The following OPCML variants were observed in gnomAD, a reference collection of about 807,000 sequenced individuals.
OPCML encodes the protein opioid-binding protein/cell adhesion molecule.
A neutral mutation model predicts 37.8 loss-of-function variants in OPCML; 13 were observed. The observed-to-expected ratio is 0.34, with a 90% CI of 0.22 to 0.55. OPCML has a LOEUF of 0.55. Ranked by LOEUF, OPCML falls within the 20% of genes least tolerant of loss-of-function variation. The probability of loss-of-function intolerance (pLI) is 0.91; values close to 1 mark genes in which losing one functional copy is unlikely to be tolerated. For synonymous variants in OPCML, 176 were observed against 168.8 expected, an observed-to-expected ratio of 1.04 and a Z score of -0.33; for missense variants, 341 against 435.6, an observed-to-expected ratio of 0.78 and a Z score of 1.93.
chr11:133,041,656 A>G (rs138038517), intron 1 of OPCML, among the ~76,000 whole-genome samples: 8 of 152,230 alleles, frequency 5.3e-5, no homozygotes, highest in South Asian at 2.1e-4. Context: ...AACATCCTAT[A>G]CCCTGTTGTT....
intron 3 of OPCML, among the ~76,000 whole-genome samples, chr11:132,648,819 G>GAGA (rs1941285259): frequency 6.6e-6 from 1 of 152,036 alleles, no homozygotes; most frequent in African/African-American, 2.4e-5. Context: ...CCCGTGATTT[G>GAGA]TTCTGACAAT....
chr11:132,727,247 A>C (rs1292847046), intron 2 of OPCML, among the ~76,000 whole-genome samples: 3 of 152,152 alleles, frequency 2.0e-5, no homozygotes, highest in Non-Finnish European at 4.4e-5. Context: ...AGGTAAGTGG[A>C]TTGCAAACCC....
chr11:132,489,678 A>ATTG (rs1420736680), intron 4 of OPCML, among the ~76,000 whole-genome samples: 1 of 151,932 alleles, frequency 6.6e-6, no homozygotes, highest in African/African-American at 2.4e-5. Flanking sequence ...TATTATTATT[A>ATTG]TTATTTTATT....
intron 1 of OPCML, among the ~76,000 whole-genome samples, chr11:133,304,289 T>C (rs1942856693): frequency 6.6e-6 from 1 of 152,208 alleles, no homozygotes; most frequent in Non-Finnish European, 1.5e-5. Flanking sequence ...GCAAGGTATC[T>C]GAATAATCAC....
intron 3 of OPCML, among the ~76,000 whole-genome samples, chr11:132,574,424 C>T (rs1361590105): frequency 6.6e-6 from 1 of 151,490 alleles, no homozygotes; most frequent in Admixed American, 6.6e-5. Context: ...GTATTACTTA[C>T]TATTGCTGCA....
chr11:132,982,067 G>A (rs1035300305), intron 1 of OPCML, among the ~76,000 whole-genome samples: 11 of 152,054 alleles, frequency 7.2e-5, no homozygotes, highest in African/African-American at 2.2e-4. Flanking sequence ...TCTACGGCTC[G>A]AATACGGGCC....
chr11:133,287,799 T>G (rs1264362627), intron 1 of OPCML, among the ~76,000 whole-genome samples: 1 of 152,070 alleles, frequency 6.6e-6, no homozygotes. Context: ...GCTGTCCAGG[T>G]ACCATGAAGG....
chr11:133,417,363 A>G (rs1239205847), intron 1 of OPCML, among the ~76,000 whole-genome samples: 2 of 152,234 alleles, frequency 1.3e-5, no homozygotes, highest in African/African-American at 4.8e-5. Flanking sequence ...AAAGGCAGGC[A>G]TCATTATCTG....
intron 1 of OPCML, among the ~76,000 whole-genome samples, chr11:133,309,793 G>A (rs1292577259): frequency 6.6e-6 from 1 of 152,170 alleles, no homozygotes; most frequent in African/African-American, 2.4e-5. Flanking sequence ...GAGGACAGGG[G>A]AGCAGAATCC....
chr11:132,628,824 T>C (rs189477955), intron 3 of OPCML, among the ~76,000 whole-genome samples: 5 of 152,292 alleles, frequency 3.3e-5, no homozygotes, highest in African/African-American at 4.8e-5. Flanking sequence ...TCTGCTGGTT[T>C]TATAAGCAGC....
At chr11:132,502,337 C>G (rs769624874) in intron 4 of OPCML, among the ~76,000 whole-genome samples, 1 of 152,094 alleles carries the variant, frequency 6.6e-6, no homozygotes, top group Non-Finnish European at 1.5e-5. Context: ...ATTTATCAGG[C>G]TCTCCCTTCT....
chr11:132,697,129 C>T (rs1284887696), intron 2 of OPCML, among the ~76,000 whole-genome samples: 4 of 152,016 alleles, frequency 2.6e-5, no homozygotes, highest in Admixed American at 6.6e-5. Flanking sequence ...AAAATTTCCC[C>T]GTTTCATTGA....
intron 3 of OPCML, among the ~76,000 whole-genome samples, chr11:132,536,030 GA>G (rs758851266): frequency 6.6e-6 from 1 of 152,166 alleles, no homozygotes; most frequent in Non-Finnish European, 1.5e-5. Context: ...TCCTCAAGGT[GA>G]ATTTGGCATG....
chr11:132,776,337 T>G (rs1946808270), intron 2 of OPCML, among the ~76,000 whole-genome samples: 1 of 152,190 alleles, frequency 6.6e-6, no homozygotes, highest in South Asian at 2.1e-4. Context: ...CCTGGTGGTG[T>G]TATCTTTTCA....
chr11:133,294,784 TTTC>T (rs1435739517), intron 1 of OPCML, among the ~76,000 whole-genome samples: 1 of 83,584 alleles, frequency 1.2e-5, no homozygotes, highest in African/African-American at 7.2e-5. Context: ...AAACAGAAAC[TTTC>T]TTTTTTTTTT....
intron 2 of OPCML, among the ~76,000 whole-genome samples, chr11:132,754,157 T>A (rs1157660191): frequency 6.6e-6 from 1 of 152,140 alleles, no homozygotes; most frequent in Non-Finnish European, 1.5e-5. Flanking sequence ...CCTCCAACAG[T>A]AAGAGGTGTT....
rs1939023775 is a variant in OPCML, at chr11:133,205,463, G to A, written c.62-262453C>T. On this transcript the variant is annotated intron_variant, in intron 1 of 7. Transcript: ENST00000524381. The surrounding 1 kb of genome is among the most constrained non-coding windows in gnomAD (Gnocchi z 4.8). ...AGGTGGGGGCTGGGAACGCTGATCA[G>A]CAGCACTGGTCCCAACCCAGGGCTT... Among the ~76,000 whole-genome samples the A allele has an allele frequency of 6.6e-6, 1 of 152,200 alleles. No homozygotes were observed. Among genetic ancestry groups the A allele is most frequent in the Non-Finnish European group, 1.5e-5 (1 of 68,044 alleles).
At chr11:132,536,370 T>C (rs2096340934) in intron 3 of OPCML, among the ~76,000 whole-genome samples, 1 of 152,238 alleles carries the variant, frequency 6.6e-6, no homozygotes, top group Admixed American at 6.5e-5. Context: ...TTTTTCCTAC[T>C]ATTTTCTGTG....
intron 1 of OPCML, among the ~76,000 whole-genome samples, chr11:133,038,302 A>C (rs1947820984): frequency 6.6e-6 from 1 of 152,160 alleles, no homozygotes; most frequent in Admixed American, 6.5e-5. Context: ...CTCGGGTGGG[A>C]CACTCATCTC....
Sources: gnomAD v4.1 joint callset for allele counts (sites outside exome capture counted in the v4.1 genomes callset) on GRCh38, gnomAD v4.1.1 for gene constraint, Gnocchi (gnomAD v3.1) non-coding constraint, MANE v1.5 for transcripts, NCBI Gene and HGNC (gene_info 2026-07-23, HGNC 2026-07-21) for gene names.